Variants in ABI3BP observed in about 807,000 individuals in gnomAD.
ABI3BP encodes the protein ABI family member 3 binding protein.
A neutral mutation model predicts 268.6 loss-of-function variants in ABI3BP; 216 were observed. That is an observed-to-expected ratio of 0.80 (90% CI 0.72 to 0.90). The LOEUF is 0.90. ABI3BP is among the 40% of genes least tolerant of loss of function. The pLI, the probability that ABI3BP is intolerant of heterozygous loss-of-function variation, is 0.00. For synonymous variants in ABI3BP, 730 were observed against 730.0 expected (o/e 1.00, Z 0.00); for missense variants, 2,090 against 2,182.4 (o/e 0.96, Z 0.84).
At chr3:100,775,706 T>C (rs547904830) in intron 59 of ABI3BP, among the ~76,000 whole-genome samples, 22 of 152,252 alleles carry the variant, frequency 1.4e-4, no homozygotes, top group African/African-American at 4.8e-4. Flanking sequence ...AGCAGTATTA[T>C]AGACAGAGGT....
chr3:100,786,024 G>A (rs2097030541), intron 57 of ABI3BP, among the ~76,000 whole-genome samples: 1 of 149,004 alleles, frequency 6.7e-6, no homozygotes, highest in South Asian at 2.2e-4. Flanking sequence ...GGCTGACATG[G>A]AGATGTACTG....
At chr3:100,848,220 G>C (rs986149817) in intron 18 of ABI3BP, among the ~76,000 whole-genome samples, 1 of 151,198 alleles carries the variant, frequency 6.6e-6, no homozygotes, top group Non-Finnish European at 1.5e-5. Context: ...AAACAGAGTA[G>C]GTACCAAAAA....
chr3:100,954,366 G>A (rs1032311538), intron 1 of ABI3BP, among the ~76,000 whole-genome samples: 2 of 151,962 alleles, frequency 1.3e-5, no homozygotes, highest in Admixed American at 6.6e-5. Context: ...ATGAAATCTT[G>A]GAATTACCCT....
chr3:100,964,266 A>T (rs1458269916), intron 1 of ABI3BP, among the ~76,000 whole-genome samples: 1 of 152,194 alleles, frequency 6.6e-6, no homozygotes, highest in Non-Finnish European at 1.5e-5. Context: ...AATCAACTGG[A>T]AAGTCCATTT....
rs909998316 is a variant in ABI3BP at position 100,844,391 on chromosome 3, G to A, written c.1723+1981C>T. The A allele has an allele frequency of 1.7e-5, 17 of 985,264 alleles. No homozygotes were observed. In the African/African-American group the frequency reaches 1.7e-4, roughly 10 times the overall value. 61.0% of individuals were successfully genotyped at this position (985,264 alleles called of 1,614,324 possible). On this transcript the variant is annotated intron_variant, in intron 20 of 67. Coordinates refer to ENST00000471714, the MANE Select transcript of ABI3BP (RefSeq NM_001375547.2). ...GGTGGCTGTGGTTTTTGAGAAATGC[G>A]CTGAATTGTACTTATAAAACAAGCC...
At chr3:100,984,061 A>T (rs1010643936) in intron 1 of ABI3BP, among the ~76,000 whole-genome samples, 1 of 152,178 alleles carries the variant, frequency 6.6e-6, no homozygotes, top group African/African-American at 2.4e-5. Flanking sequence ...AGATTTATTT[A>T]TCAAGCACTT....
At chr3:100,771,608 T>G (rs2096548526) in intron 61 of ABI3BP, among the ~76,000 whole-genome samples, 1 of 152,022 alleles carries the variant, frequency 6.6e-6, no homozygotes, top group Non-Finnish European at 1.5e-5. Flanking sequence ...TTTCTAGAGA[T>G]GAAAGCTATA....
intron 1 of ABI3BP, among the ~76,000 whole-genome samples, chr3:100,959,472 A>G (rs2078112125): frequency 7.3e-6 from 1 of 136,900 alleles, no homozygotes; most frequent in South Asian, 2.6e-4. Flanking sequence ...CCTGGGCGAC[A>G]GAGCGAGACT....
intron 30 of ABI3BP, 147 bp downstream of exon 30, chr3:100,832,978 T>C: frequency 1.5e-6 from 1 of 673,128 alleles, no homozygotes; most frequent in Non-Finnish European, 2.3e-6. Context: ...ATTGCATATT[T>C]CTTTAAAAAG....
In ABI3BP at chr3:100,773,077, C is replaced by CAA. The variant is rs563600769; in HGVS notation, c.4531+1526_4531+1527dup. Among the ~76,000 whole-genome samples the CAA allele has an allele frequency of 5.2e-4, 30 of 58,058 alleles. No homozygotes were observed. The East Asian group carries it at 8.5e-3, about 16-fold the overall frequency. The allele number at this position is 58,058 out of a possible 152,430, so 38.1% of individuals were successfully genotyped here. A position where few individuals can be genotyped will look rare whatever the true frequency, so the allele number is the denominator to read the frequency against. On this transcript the variant is annotated intron_variant, in intron 61 of 67. Transcript: ENST00000471714. Reference sequence around the variant, plus strand: ...TGGGCAACAGAGCGAGAGTCCATCTCAAAAAAAAAAAAAAAAAGAAAAGAA... The same window carrying CAA: ...TGGGCAACAGAGCGAGAGTCCATCTCAAAAAAAAAAAAAAAAAAAGAAAAGAA...
At chr3:100,840,373 T>G (rs1337943271) in intron 22 of ABI3BP, among the ~76,000 whole-genome samples, 1 of 152,170 alleles carries the variant, frequency 6.6e-6, no homozygotes, top group Non-Finnish European at 1.5e-5. Flanking sequence ...GTCCAAGAGA[T>G]CTGTCTGTTC....
intron 4 of ABI3BP, among the ~76,000 whole-genome samples, chr3:100,889,677 C>T (rs1423868117): frequency 6.6e-6 from 1 of 152,110 alleles, no homozygotes; most frequent in African/African-American, 2.4e-5. Flanking sequence ...AGAACAAGAG[C>T]ATCTCATATC....
chr3:100,963,745 T>G (rs1189794913), intron 1 of ABI3BP, among the ~76,000 whole-genome samples: 1 of 152,214 alleles, frequency 6.6e-6, no homozygotes, highest in Non-Finnish European at 1.5e-5. Flanking sequence ...TTCCATCCAC[T>G]TACCTGCTCC....
chr3:100,862,685 A>G (rs1560966606), intron 13 of ABI3BP, 153 bp downstream of exon 13: 1 of 628,790 alleles, frequency 1.6e-6, no homozygotes, highest in Non-Finnish European at 2.7e-6. Context: ...AGAAAATCCA[A>G]ATAGATTTAT....
intron 4 of ABI3BP, among the ~76,000 whole-genome samples, chr3:100,894,908 C>T (rs1224260242): frequency 8.7e-6 from 1 of 114,348 alleles, no homozygotes; most frequent in African/African-American, 3.2e-5. Flanking sequence ...CTCTGCACTC[C>T]AGCCTGGGCG....
chr3:100,841,781 T>C (rs1425183262), intron 21 of ABI3BP, among the ~76,000 whole-genome samples: 1 of 151,752 alleles, frequency 6.6e-6, no homozygotes, highest in Admixed American at 6.6e-5. Context: ...TCCCAGCCAC[T>C]TGGGAGGCTG....
intron 35 of ABI3BP, among the ~76,000 whole-genome samples, chr3:100,825,412 A>C (rs927443697): frequency 6.6e-6 from 1 of 152,154 alleles, no homozygotes; most frequent in Non-Finnish European, 1.5e-5. Flanking sequence ...TCAGATGTGC[A>C]AAGGAAAGTA....
chr3:100,837,011 A>G (rs1579768422), intron 27 of ABI3BP, 113 bp downstream of exon 27: 1 of 1,091,448 alleles, frequency 9.2e-7, no homozygotes, highest in East Asian at 2.8e-5. Flanking sequence ...AAATTTTTAA[A>G]AATGAAAACA....
chr3:100,786,047 T>G (rs2097031394), intron 57 of ABI3BP, among the ~76,000 whole-genome samples: 1 of 136,554 alleles, frequency 7.3e-6, no homozygotes, highest in Non-Finnish European at 1.6e-5. Context: ...CAGATCTCCA[T>G]TCAGTGCTCT....
Sources: allele counts gnomAD v4.1 joint callset (sites outside exome capture counted in the v4.1 genomes callset), GRCh38; gene constraint gnomAD v4.1.1; transcripts MANE v1.5; gene names NCBI Gene and HGNC (gene_info 2026-07-23, HGNC 2026-07-21).